Variants in PDE9A observed in about 807,000 individuals in gnomAD.
PDE9A encodes phosphodiesterase 9A.
PDE9A carries 60 observed loss-of-function variants against 87.4 expected under a neutral mutation model. That is an observed-to-expected ratio of 0.69 (90% CI 0.56 to 0.85). The LOEUF is 0.85. Ranked by LOEUF, PDE9A falls within the 40% of genes least tolerant of loss-of-function variation. PDE9A has a pLI of 0.00. For synonymous variants in PDE9A, 272 were observed against 279.4 expected (o/e 0.97, Z 0.27); for missense variants, 665 against 779.0 (o/e 0.85, Z 1.74).
intron 3 of PDE9A, chr21:42,697,417 A>T: frequency 1.3e-6 from 2 of 1,590,670 alleles, no homozygotes; most frequent in Non-Finnish European, 8.6e-7. Context: ...TCTTCCAGGA[A>T]TGAGCTCATT....
chr21:42,657,907 G>A (rs769330421), intron 1 of PDE9A, among the ~76,000 whole-genome samples: 4 of 152,258 alleles, frequency 2.6e-5, no homozygotes, highest in Non-Finnish European at 5.9e-5. Context: ...GAACACATCG[G>A]TGGCCGCTTG....
chr21:42,733,541 T>A, intron 7 of PDE9A, 115 bp downstream of exon 7: 1 of 676,470 alleles, frequency 1.5e-6, no homozygotes, highest in Non-Finnish European at 2.7e-6. Flanking sequence ...AAATGTCTTT[T>A]CTTTGTGAAA....
rs758869608 is a variant in PDE9A at position 42,762,136 on chromosome 21, C to T, written c.1139C>T (p.Pro380Leu). The T allele has an allele frequency of 3.7e-6, 6 of 1,614,010 alleles. No homozygotes were observed. The East Asian group carries it at 6.7e-5, about 18-fold the overall frequency. ...GCGGTCCGCTACAATGACATCTCAC[C>T]GCTGGAGAACCACCACTGCGCCGTG... ...ELAVRYNDIS[P>L]LENHHCAVAF... The change falls in exon 14 of 20, where the codon CCG (proline) becomes CTG (leucine). Residue 380 changes from proline to leucine, a missense_variant. Coordinates refer to ENST00000291539, the MANE Select transcript of PDE9A (RefSeq NM_002606.3).
chr21:42,654,071 G>A (rs2056857700), intron 1 of PDE9A, among the ~76,000 whole-genome samples, 188 bp downstream of exon 1: 1 of 145,256 alleles, frequency 6.9e-6, no homozygotes, highest in Admixed American at 6.7e-5. Context: ...ACTCGCCCTG[G>A]GGGGTGGGGG....
chr21:42,744,527 T>C (rs1429580396), intron 8 of PDE9A, among the ~76,000 whole-genome samples: 2 of 152,222 alleles, frequency 1.3e-5, no homozygotes, highest in Non-Finnish European at 2.9e-5. Context: ...AGGAGCCTCC[T>C]GTTGCCCCCA....
chr21:42,697,908 C>T (rs1356243960), intron 3 of PDE9A, among the ~76,000 whole-genome samples: 1 of 152,194 alleles, frequency 6.6e-6, no homozygotes, highest in East Asian at 1.9e-4. Context: ...ACTAATGTGG[C>T]ATCCTGCCTG....
At chr21:42,753,574 C>T (rs1335908438) in intron 9 of PDE9A, among the ~76,000 whole-genome samples, 3 of 152,116 alleles carry the variant, frequency 2.0e-5, no homozygotes, top group East Asian at 1.9e-4. Context: ...AGAAAGAGAA[C>T]GGGAGAAGCT....
chr21:42,692,801 C>T lies in PDE9A; in HGVS notation c.218+4807C>T, dbSNP rs1422671885. Reference sequence around the variant, plus strand: ...TGGCTTCTCCCCTCTTCCTCTCCTCCACTCGGTGCCTGGTGACATGCGGCC... The same window carrying T: ...TGGCTTCTCCCCTCTTCCTCTCCTCTACTCGGTGCCTGGTGACATGCGGCC... On this transcript the variant is annotated intron_variant, in intron 3 of 19. Coordinates refer to ENST00000291539, the MANE Select transcript of PDE9A (RefSeq NM_002606.3). This position sits in a 1 kb window ranked among gnomAD's most constrained non-coding sequence, Gnocchi z 4.3. 6.6e-6 allele frequency among the ~76,000 whole-genome samples: 1 copy of T among 152,190 alleles called. No homozygotes were observed. Among genetic ancestry groups the T allele is most frequent in the Admixed American group, 6.5e-5 (1 of 15,290 alleles).
chr21:42,760,479 GACGGAGGCC>G lies in PDE9A; in HGVS notation c.1002+48_1002+56del. The G allele has an allele frequency of 8.5e-7, 1 of 1,172,258 alleles. No homozygotes were observed. The highest frequency in any genetic ancestry group is 1.2e-6 in the Non-Finnish European group (1 of 805,156). The allele number at this position is 1,172,258 out of a possible 1,614,324, so 72.6% of individuals were successfully genotyped here. A position where few individuals can be genotyped will look rare whatever the true frequency, so the allele number is the denominator to read the frequency against. On this transcript the variant is annotated intron_variant, in intron 12 of 19. Coordinates refer to ENST00000291539, the MANE Select transcript of PDE9A (RefSeq NM_002606.3). The surrounding 1 kb of genome is among the most constrained non-coding windows in gnomAD (Gnocchi z 5.2). The stretch of plus-strand genomic sequence containing the variant: ...CCCAGACCTCTACTCTCGGGGGTCA[GACGGAGGCC>G]CCCTTCCAGGGAGCGGCAGCCCCAT...
At chr21:42,668,619 C>T (rs1343472710) in intron 1 of PDE9A, among the ~76,000 whole-genome samples, 1 of 152,188 alleles carries the variant, frequency 6.6e-6, no homozygotes, top group African/African-American at 2.4e-5. Flanking sequence ...TGGAGATTGG[C>T]CTCAGACACT....
chr21:42,659,554 C>A lies in PDE9A; in HGVS notation c.69+5671C>A, dbSNP rs2057331124. On this transcript the variant is annotated intron_variant, in intron 1 of 19. Transcript: ENST00000291539. The surrounding 1 kb of genome is among the most constrained non-coding windows in gnomAD (Gnocchi z 4.1). ...GGGCATGTGGGGAGGCTCAGGAATGCCACCCTTGCCCTCAGGCCTGGGCAC... is the reference window on the plus strand; with the variant it reads ...GGGCATGTGGGGAGGCTCAGGAATGACACCCTTGCCCTCAGGCCTGGGCAC... 6.6e-6 allele frequency among the ~76,000 whole-genome samples: 1 copy of A among 152,214 alleles called. No homozygotes were observed. The highest frequency in any genetic ancestry group is 2.1e-4 in the South Asian group (1 of 4,834).
chr21:42,732,785 A>T (rs189970487), intron 6 of PDE9A, among the ~76,000 whole-genome samples: 2 of 152,164 alleles, frequency 1.3e-5, no homozygotes, highest in African/African-American at 4.8e-5. Context: ...GTGGTGGCAC[A>T]TGCCTGTAAT....
chr21:42,685,291 C>T (rs1602042058), intron 1 of PDE9A, among the ~76,000 whole-genome samples: 1 of 152,262 alleles, frequency 6.6e-6, no homozygotes, highest in East Asian at 1.9e-4. Context: ...TCCACCACAG[C>T]CCCGGCGGCA....
chr21:42,752,604 A>T (rs34266620), intron 9 of PDE9A, among the ~76,000 whole-genome samples: 1 of 152,188 alleles, frequency 6.6e-6, no homozygotes, highest in Admixed American at 6.5e-5. Flanking sequence ...GCCTTTTTCC[A>T]TTGGAAAATA....
chr21:42,748,267 G>A (rs2054073761), intron 8 of PDE9A, among the ~76,000 whole-genome samples: 1 of 152,168 alleles, frequency 6.6e-6, no homozygotes, highest in Non-Finnish European at 1.5e-5. Context: ...TGTGTAAATG[G>A]AATTTCTCGT....
At chr21:42,746,918 C>T (rs779570449) in intron 8 of PDE9A, among the ~76,000 whole-genome samples, 20 of 152,194 alleles carry the variant, frequency 1.3e-4, no homozygotes, top group Non-Finnish European at 2.1e-4. Context: ...CTTCTGGAGG[C>T]GACGTTCTCG....
chr21:42,661,815 T>C (rs1003135963), intron 1 of PDE9A, among the ~76,000 whole-genome samples: 1 of 152,214 alleles, frequency 6.6e-6, no homozygotes, highest in Non-Finnish European at 1.5e-5. Context: ...TTTGCGAAGC[T>C]GTGTGCATGT....
intron 1 of PDE9A, among the ~76,000 whole-genome samples, chr21:42,685,724 TC>T (rs2059425065): frequency 1.3e-5 from 2 of 152,324 alleles, no homozygotes; most frequent in South Asian, 4.1e-4. Flanking sequence ...CGCCTCTGCC[TC>T]CCAAAGTGCT....
chr21:42,743,627 G>A (rs1250818473), intron 7 of PDE9A, 149 bp from the exon 8 acceptor site: 1 of 607,914 alleles, frequency 1.6e-6, no homozygotes, highest in East Asian at 2.9e-5. Flanking sequence ...GGCAAAACCT[G>A]AGTATCGGCA....
Sources: allele counts gnomAD v4.1 joint callset (sites outside exome capture counted in the v4.1 genomes callset), GRCh38; gene constraint gnomAD v4.1.1; non-coding constraint Gnocchi (gnomAD v3.1); transcripts MANE v1.5; gene names NCBI Gene and HGNC (gene_info 2026-07-23, HGNC 2026-07-21).